Variants in SQLE observed in about 807,000 individuals in gnomAD.
SQLE encodes the protein squalene epoxidase, also known as squalene monooxygenase.
In SQLE, 29 loss-of-function variants were observed where a neutral mutation model predicts 60.7. The observed-to-expected ratio is 0.48, with a 90% CI of 0.36 to 0.65. SQLE has a LOEUF of 0.65. Ranked by LOEUF, SQLE falls within the 30% of genes least tolerant of loss-of-function variation. SQLE has a pLI of 0.00. For synonymous variants in SQLE, 237 were observed against 246.8 expected (o/e 0.96, Z 0.37); for missense variants, 605 against 684.1 (o/e 0.88, Z 1.29).
At chr8:125,007,717 A>G (rs1201445834) in intron 4 of SQLE, among the ~76,000 whole-genome samples, 2 of 152,174 alleles carry the variant, frequency 1.3e-5, no homozygotes, top group Non-Finnish European at 2.9e-5. Context: ...TCTAATGAGT[A>G]TTTTGTTTGT....
chr8:125,019,749 T>C (rs1255458491), intron 9 of SQLE, among the ~76,000 whole-genome samples: 6 of 152,204 alleles, frequency 3.9e-5, no homozygotes, highest in Non-Finnish European at 7.3e-5. Flanking sequence ...AACATAGCTA[T>C]TTGTATGATC....
chr8:125,006,938 T>C (rs1196329356), intron 3 of SQLE, among the ~76,000 whole-genome samples: 6 of 151,988 alleles, frequency 3.9e-5, no homozygotes, highest in Admixed American at 1.3e-4. Flanking sequence ...CTCCTGACCT[T>C]GTGATCCGCC....
At chr8:125,019,496 A>G (rs534445178) in intron 9 of SQLE, among the ~76,000 whole-genome samples, 49 of 152,290 alleles carry the variant, frequency 3.2e-4, no homozygotes, top group East Asian at 9.7e-4. Context: ...ATAGCTCACT[A>G]CAGTGAGCTA....
chr8:125,004,659 T>C lies in SQLE; in HGVS notation c.545-866T>C, dbSNP rs552206140. On this transcript the variant is annotated intron_variant, in intron 2 of 10. Transcript: ENST00000265896. ...CCATACATGTTTTTGTCCATTACTA[T>C]TGGCGTCTTAATATTTTTCCAGTGG... Among the ~76,000 whole-genome samples, 21 of 152,198 alleles carry C rather than the reference T, an allele frequency of 1.4e-4. No homozygotes were observed. In the South Asian group the frequency reaches 1.4e-3, roughly 11 times the overall value.
chr8:125,005,649 T>G lies in SQLE; in HGVS notation c.669T>G (p.Ala223=), dbSNP rs915011624. 6.2e-7 allele frequency: 1 copy of G among 1,607,556 alleles called. No individual in the cohort carries two copies. The highest frequency in any genetic ancestry group is 8.5e-7 in the Non-Finnish European group (1 of 1,175,772). The change falls in exon 3 of 11, where the codon GCT becomes GCG. Residue 223 remains alanine, a synonymous_variant. Transcript: ENST00000265896. ...SENNQVQSGR[A]FHHGRFIMSL... is the part of the protein sequence containing the mutation. ...ACAATCAAGTGCAGAGTGGAAGAGC[T>G]TTCCATCACGGAAGATTCATCATGA...
chr8:125,003,401 C>T lies in SQLE; in HGVS notation c.517C>T (p.His173Tyr). ...AGAATTCCTGCAGCCGGGTGGTTATCATGTTCTCAAAGACCTTGGTCTTGG... is the reference window on the plus strand; with the variant it reads ...AGAATTCCTGCAGCCGGGTGGTTATTATGTTCTCAAAGACCTTGGTCTTGG... ...VGEFLQPGGYHVLKDLGLGDT... is the reference protein window; with the variant it reads ...VGEFLQPGGYYVLKDLGLGDT... Residue 173 changes from histidine to tyrosine, a missense_variant, in exon 2 of 11, where the codon CAT becomes TAT. Physicochemically the swap from His to Tyr is moderately conservative, Grantham distance 83. Coordinates refer to ENST00000265896, the MANE Select transcript of SQLE (RefSeq NM_003129.4). 6.2e-7 allele frequency: 1 copy of T among 1,613,978 alleles called. No individual in the cohort carries two copies.
At chr8:125,008,779 GA>G (rs1172198218) in intron 4 of SQLE, among the ~76,000 whole-genome samples, 191 bp from the exon 5 acceptor site, 1 of 152,166 alleles carries the variant, frequency 6.6e-6, no homozygotes, top group Non-Finnish European at 1.5e-5. Context: ...GGACTCAGAG[GA>G]AGTATCTAAA....
At chr8:125,014,251 C>T (rs985912821) in intron 7 of SQLE, among the ~76,000 whole-genome samples, 1 of 152,154 alleles carries the variant, frequency 6.6e-6, no homozygotes, top group African/African-American at 2.4e-5. Flanking sequence ...TTCCAGGTTT[C>T]TGGCTTAGAT....
At chr8:125,010,769 GTTTTTCTTTTT>G (rs1187329739) in intron 6 of SQLE, among the ~76,000 whole-genome samples, 1 of 151,292 alleles carries the variant, frequency 6.6e-6, no homozygotes, top group African/African-American at 2.4e-5. Flanking sequence ...AAATGTGGTG[GTTTTTCTTTTT>G]TTTTTCTTTT....
intron 4 of SQLE, among the ~76,000 whole-genome samples, chr8:125,008,514 T>A (rs1367185066): frequency 6.6e-6 from 1 of 152,242 alleles, no homozygotes; most frequent in Non-Finnish European, 1.5e-5. Flanking sequence ...TTTTCTCTGC[T>A]CATACTGTAG....
At chr8:125,008,852 A>G (rs1295965916) in intron 4 of SQLE, 119 bp from the exon 5 acceptor site, 4 of 605,686 alleles carry the variant, frequency 6.6e-6, no homozygotes, top group Non-Finnish European at 7.8e-6. Flanking sequence ...ATCTTCAACT[A>G]CTCTCTATAA....
Position 125,009,214 on chromosome 8 carries a change from GCTA to G in SQLE, c.980_982del (p.Ala327_Asn328delinsAsp). The G allele has an allele frequency of 6.2e-7, 1 of 1,613,360 alleles. No homozygotes were observed. Among genetic ancestry groups the G allele is most frequent in the Non-Finnish European group, 8.5e-7 (1 of 1,179,656 alleles). ...AGCAAATCATGCTGAACTTATTTTA[GCTA>G]ACCCGAGTCCAGTTCTCATCTACCA... On this transcript the variant is annotated inframe_deletion, in exon 6 of 11. Coordinates refer to ENST00000265896, the MANE Select transcript of SQLE (RefSeq NM_003129.4).
Position 124,998,798 on chromosome 8 carries a change from A to C in SQLE, c.-606A>C. On this transcript the variant is annotated 5_prime_UTR_variant, in exon 1 of 11. Transcript: ENST00000265896. ...AGTCCGAGGCCATCTTTTGTTGGAGAAGGCGTCGGCGTTGGCGTTTTCCCG... is the reference window on the plus strand; with the variant it reads ...AGTCCGAGGCCATCTTTTGTTGGAGCAGGCGTCGGCGTTGGCGTTTTCCCG... 2.0e-6 allele frequency: 1 copy of C among 490,182 alleles called. No individual in the cohort carries two copies. The highest frequency in any genetic ancestry group is 2.7e-5 in the South Asian group (1 of 36,682). The allele number at this position is 490,182 out of a possible 1,614,324, so 30.4% of individuals were successfully genotyped here. A position where few individuals can be genotyped will look rare whatever the true frequency, so the allele number is the denominator to read the frequency against.
chr8:124,999,742 GATTGGGTTCACTCAA>G, intron 1 of SQLE, 48 bp downstream of exon 1: 4 of 1,521,098 alleles, frequency 2.6e-6, no homozygotes, highest in Non-Finnish European at 3.5e-6. Context: ...TTAGGAGTAG[GATTGGGTTCACTCAA>G]ATATAAGTTT....
chr8:124,999,306 C>T lies in SQLE; in HGVS notation c.-98C>T, dbSNP rs369973287. The T allele has an allele frequency of 5.5e-5, 69 of 1,249,170 alleles. No homozygotes were observed. The highest frequency in any genetic ancestry group is 4.6e-4 in the African/African-American group (30 of 64,918). The allele number at this position is 1,249,170 out of a possible 1,614,324, so 77.4% of individuals were successfully genotyped here. On this transcript the variant is annotated 5_prime_UTR_variant, in exon 1 of 11. Transcript: ENST00000265896. ...TGTTTACTGGAGTCTGGCCGGCTCT[C>T]CGTGCTCCTCTTGGTACCTCATTTT...
At chr8:125,013,356 C>CTTTTTTT (rs1554588049) in intron 7 of SQLE, among the ~76,000 whole-genome samples, 1 of 136,450 alleles carries the variant, frequency 7.3e-6, no homozygotes, top group Admixed American at 7.3e-5. Flanking sequence ...TTTTCTTTTT[C>CTTTTTTT]TTTTTTTTTT....
rs1180448084 is a variant in SQLE at position 125,016,426 on chromosome 8, A to G, written c.1205-1633A>G. On this transcript the variant is annotated intron_variant, in intron 7 of 10. Transcript: ENST00000265896. The surrounding 1 kb of genome is among the most constrained non-coding windows in gnomAD (Gnocchi z 4.1). ...CTTCAGTAAGTTAATTGAATTTTTT[A>G]TCTCCAGAATTTCTGCTTGATTCTT... Among the ~76,000 whole-genome samples the G allele has an allele frequency of 1.3e-5, 2 of 151,850 alleles. No individual in the cohort carries two copies. The highest frequency in any genetic ancestry group is 2.9e-5 in the Non-Finnish European group (2 of 67,960).
chr8:125,008,510 C>T (rs1588113625), intron 4 of SQLE, among the ~76,000 whole-genome samples: 1 of 152,240 alleles, frequency 6.6e-6, no homozygotes, highest in Non-Finnish European at 1.5e-5. Context: ...AATGTTTTCT[C>T]TGCTCATACT....
intron 3 of SQLE, among the ~76,000 whole-genome samples, chr8:125,006,927 T>A (rs1267691373): frequency 1.3e-5 from 2 of 151,974 alleles, no homozygotes; most frequent in East Asian, 2.0e-4. Context: ...ATGGCCTTGA[T>A]CTCCTGACCT....
Sources: gnomAD v4.1 joint callset for allele counts (sites outside exome capture counted in the v4.1 genomes callset) on GRCh38, gnomAD v4.1.1 for gene constraint, Gnocchi (gnomAD v3.1) non-coding constraint, MANE v1.5 for transcripts, NCBI Gene and HGNC (gene_info 2026-07-23, HGNC 2026-07-21) for gene names.